MTUS1: variants seen among roughly 807,000 people sequenced by gnomAD.
The protein encoded by MTUS1 is microtubule-associated tumor suppressor 1.
In MTUS1, 109 loss-of-function variants were observed where a neutral mutation model predicts 120.8. The observed-to-expected ratio is 0.90, with a 90% CI of 0.77 to 1.06. The LOEUF is 1.06. Among genes scored for constraint, MTUS1 ranks in the 50% least tolerant of loss-of-function variants. MTUS1 has a pLI of 0.00. For missense variants in MTUS1, 2,210 were observed against 1,486.3 expected, an observed-to-expected ratio of 1.49 and a Z score of -8.01; for synonymous variants, 737 against 550.5, an observed-to-expected ratio of 1.34 and a Z score of -4.74.
In MTUS1 at chr8:17,794,581, C is replaced by A. The variant is rs2052067229; in HGVS notation, c.-155+6480G>T. ...ATTCTCCAATATCCTTCTACCCTAT[C>A]CTGACCCACCAGCAAGGAGGACTTC... is the stretch of plus-strand genomic sequence containing the variant. On this transcript the variant is annotated intron_variant, in intron 1 of 14. Coordinates refer to ENST00000693296, the MANE Select transcript of MTUS1 (RefSeq NM_001363059.2). 2.0e-5 allele frequency among the ~76,000 whole-genome samples: 3 copies of A among 152,132 alleles called. 1 individual carries two copies. The South Asian group carries it at 6.2e-4, about 32-fold the overall frequency.
At chr8:17,799,738 G>C (rs2052530293) in intron 1 of MTUS1, among the ~76,000 whole-genome samples, 2 of 152,148 alleles carry the variant, frequency 1.3e-5, no homozygotes, top group Admixed American at 6.5e-5. Flanking sequence ...CTACCAAGCA[G>C]ATTTACCAAG....
At chr8:17,674,565 G>C in intron 8 of MTUS1, 3 of 985,936 alleles carry the variant, frequency 3.0e-6, no homozygotes, top group Non-Finnish European at 3.6e-6. Context: ...TGGGTGGTGG[G>C]TGTTGAGACC....
chr8:17,720,311 C>T (rs574921644), intron 4 of MTUS1, among the ~76,000 whole-genome samples: 4 of 151,500 alleles, frequency 2.6e-5, no homozygotes, highest in African/African-American at 9.7e-5. Context: ...TGCCACTGCA[C>T]TCCAGCCTGG....
At chr8:17,758,249 A>C (rs1211786011) in intron 1 of MTUS1, 5 of 152,222 alleles carry the variant, frequency 3.3e-5, no homozygotes, top group African/African-American at 1.2e-4. Flanking sequence ...TGAAACGATC[A>C]GTTTTCTTCG....
At chr8:17,744,040 T>G (rs922998782) in intron 2 of MTUS1, among the ~76,000 whole-genome samples, 1 of 152,318 alleles carries the variant, frequency 6.6e-6, no homozygotes, top group East Asian at 1.9e-4. Flanking sequence ...AGACTCTTTA[T>G]AGCAAAAAGA....
intron 5 of MTUS1, among the ~76,000 whole-genome samples, chr8:17,715,534 C>G (rs1452968562): frequency 6.6e-6 from 1 of 152,114 alleles, no homozygotes; most frequent in Non-Finnish European, 1.5e-5. Flanking sequence ...CTGTTTCTAC[C>G]TTATACCTTT....
chr8:17,699,849 G>A (rs374767), intron 6 of MTUS1, among the ~76,000 whole-genome samples: 28,356 of 152,020 alleles, frequency 0.19, 2,798 homozygotes, highest in East Asian at 0.3. Flanking sequence ...CACACTTTAC[G>A]TTTGCTCATT....
chr8:17,746,957 G>A (rs1375227051), intron 2 of MTUS1, among the ~76,000 whole-genome samples: 3 of 152,134 alleles, frequency 2.0e-5, no homozygotes, highest in Non-Finnish European at 4.4e-5. Flanking sequence ...AACAATGAAA[G>A]CTGTTTCTCT....
At chr8:17,690,033 T>C (rs1474083479) in intron 6 of MTUS1, among the ~76,000 whole-genome samples, 1 of 152,110 alleles carries the variant, frequency 6.6e-6, no homozygotes, top group Non-Finnish European at 1.5e-5. Context: ...AAATGGGACT[T>C]AAACTAAAAA....
chr8:17,779,465 GGTGTT>G (rs2050706046), intron 1 of MTUS1, among the ~76,000 whole-genome samples: 1 of 152,104 alleles, frequency 6.6e-6, no homozygotes, highest in African/African-American at 2.4e-5. Flanking sequence ...CCCATGTTCT[GGTGTT>G]TAAAAGATTT....
rs144949701 is a variant in MTUS1, at chr8:17,715,979, T to C, written c.2450-78A>G. On this transcript the variant is annotated intron_variant, in intron 4 of 14. Transcript: ENST00000693296. ...CCTTCCACATTTATTCCTTTGTCCTTGAACCAACAAATGCTCAATAAGCAC... is the reference window on the plus strand; with the variant it reads ...CCTTCCACATTTATTCCTTTGTCCTCGAACCAACAAATGCTCAATAAGCAC... 346 of 1,386,584 alleles carry C rather than the reference T, an allele frequency of 2.5e-4. 1 individual carries two copies. In the African/African-American group the frequency reaches 4.6e-3, roughly 18 times the overall value. 85.9% of individuals were successfully genotyped at this position (1,386,584 alleles called of 1,614,324 possible).
chr8:17,764,634 C>A (rs975705781), intron 1 of MTUS1, among the ~76,000 whole-genome samples: 3 of 152,208 alleles, frequency 2.0e-5, no homozygotes, highest in Admixed American at 2.0e-4. Context: ...TTAGGCTTTA[C>A]AGGATGTGCG....
At chr8:17,763,584 T>C (rs1337719649) in intron 1 of MTUS1, among the ~76,000 whole-genome samples, 1 of 152,058 alleles carries the variant, frequency 6.6e-6, no homozygotes, top group Non-Finnish European at 1.5e-5. Context: ...ACCTCTTTTT[T>C]TCTCTTGGGA....
At chr8:17,784,965 TG>T (rs2051187014) in intron 1 of MTUS1, among the ~76,000 whole-genome samples, 1 of 151,324 alleles carries the variant, frequency 6.6e-6, no homozygotes, top group African/African-American at 2.4e-5. Context: ...TTGTATTTTT[TG>T]TAGAAACGGG....
Position 17,791,984 on chromosome 8 carries a change from G to A in MTUS1, c.-155+9077C>T, listed in dbSNP as rs1031203230. On this transcript the variant is annotated intron_variant, in intron 1 of 14. Coordinates refer to ENST00000693296, the MANE Select transcript of MTUS1 (RefSeq NM_001363059.2). Reference sequence around the variant, plus strand: ...AGCGTCCTGATGAGCCAACTGGGGAGCAAAGGTAATGAAATTTCACTCAAG... The same window carrying A: ...AGCGTCCTGATGAGCCAACTGGGGAACAAAGGTAATGAAATTTCACTCAAG... Among the ~76,000 whole-genome samples the A allele has an allele frequency of 2.6e-5, 4 of 152,152 alleles. No individual in the cohort carries two copies. The East Asian group carries it at 7.7e-4, about 29-fold the overall frequency.
intron 1 of MTUS1, among the ~76,000 whole-genome samples, chr8:17,782,862 G>C (rs183322432): frequency 4.6e-5 from 7 of 152,322 alleles, no homozygotes; most frequent in Admixed American, 2.6e-4. Flanking sequence ...TGGATCACCT[G>C]AAGTCAGGAG....
intron 4 of MTUS1, 134 bp downstream of exon 4, chr8:17,723,538 G>A (rs1282165085): frequency 2.3e-6 from 2 of 880,692 alleles, no homozygotes; most frequent in Non-Finnish European, 3.7e-6. Context: ...AACTTTCAGA[G>A]CAACTCCAAG....
At chr8:17,697,398 G>T in intron 6 of MTUS1, 1 of 1,612,808 alleles carries the variant, frequency 6.2e-7, no homozygotes, top group South Asian at 1.1e-5. Flanking sequence ...CAGGTGGCGA[G>T]ATTTCACAGA....
intron 8 of MTUS1, among the ~76,000 whole-genome samples, chr8:17,665,400 C>T (rs1177958500): frequency 6.6e-6 from 1 of 152,208 alleles, no homozygotes; most frequent in Non-Finnish European, 1.5e-5. Context: ...TTACAAGGTG[C>T]TCTCACATTT....
Sources: allele counts gnomAD v4.1 joint callset (sites outside exome capture counted in the v4.1 genomes callset), GRCh38; gene constraint gnomAD v4.1.1; transcripts MANE v1.5; gene names NCBI Gene and HGNC (gene_info 2026-07-23, HGNC 2026-07-21).